CNTN5: variants seen among roughly 807,000 people sequenced by gnomAD.
The protein encoded by CNTN5 is contactin 5, also known as contactin-5.
A neutral mutation model predicts 129.1 loss-of-function variants in CNTN5; 77 were observed. The ratio of observed to expected loss-of-function variants is 0.60; its 90% CI spans 0.50 to 0.72. CNTN5 has a LOEUF of 0.72. Ranked by LOEUF, CNTN5 falls within the 30% of genes least tolerant of loss-of-function variation. The pLI, the probability that CNTN5 is intolerant of heterozygous loss-of-function variation, is 0.00. For synonymous variants in CNTN5, 509 were observed against 465.6 expected (o/e 1.09, Z -1.20); for missense variants, 1,478 against 1,328.8 (o/e 1.11, Z -1.75).
intron 6 of CNTN5, among the ~76,000 whole-genome samples, chr11:99,908,800 A>G (rs1949578478): frequency 6.6e-6 from 1 of 152,120 alleles, no homozygotes. Flanking sequence ...AGCATTTGCA[A>G]TTTACTGTTT....
intron 15 of CNTN5, among the ~76,000 whole-genome samples, chr11:100,222,288 C>T (rs1220406213): frequency 6.6e-6 from 1 of 152,098 alleles, no homozygotes; most frequent in African/African-American, 2.4e-5. Context: ...GTTTATAGAG[C>T]ACTGCACACT....
intron 13 of CNTN5, among the ~76,000 whole-genome samples, chr11:100,141,963 T>A (rs937778808): frequency 1.3e-5 from 2 of 152,022 alleles, no homozygotes; most frequent in Non-Finnish European, 2.9e-5. Flanking sequence ...TGGGTACCAT[T>A]CAATTGGCTG....
At chr11:99,627,245 C>G (rs564913242) in intron 3 of CNTN5, among the ~76,000 whole-genome samples, 1 of 152,204 alleles carries the variant, frequency 6.6e-6, no homozygotes, top group African/African-American at 2.4e-5. Flanking sequence ...ACTTTCTTAG[C>G]CCTTCCAACA....
chr11:99,626,310 A>G (rs1951130719), intron 3 of CNTN5, among the ~76,000 whole-genome samples: 1 of 151,778 alleles, frequency 6.6e-6, no homozygotes, highest in African/African-American at 2.4e-5. Context: ...CTTGGTAAAG[A>G]GGTTTTAAGA....
At chr11:99,723,419 C>CCTATATGAT (rs1565462381) in intron 3 of CNTN5, among the ~76,000 whole-genome samples, 1 of 152,088 alleles carries the variant, frequency 6.6e-6, no homozygotes, top group Non-Finnish European at 1.5e-5. Context: ...CTCCCATTCT[C>CCTATATGAT]CTATATGATC....
At chr11:99,375,496 GT>G (rs1299353363) in intron 2 of CNTN5, among the ~76,000 whole-genome samples, 1 of 151,720 alleles carries the variant, frequency 6.6e-6, no homozygotes, top group Non-Finnish European at 1.5e-5. Context: ...ATGAGATGGA[GT>G]TTATTAAAGA....
At chr11:99,780,157 T>C (rs1198752103) in intron 3 of CNTN5, among the ~76,000 whole-genome samples, 2 of 151,966 alleles carry the variant, frequency 1.3e-5, no homozygotes, top group African/African-American at 4.8e-5. Context: ...GTTACTGTTA[T>C]CAAGTCCTCC....
At chr11:100,096,540 C>A (rs1455103964) in intron 13 of CNTN5, among the ~76,000 whole-genome samples, 3 of 152,070 alleles carry the variant, frequency 2.0e-5, no homozygotes, top group Non-Finnish European at 4.4e-5. Flanking sequence ...TGCTACCATT[C>A]TCCTAGCCAT....
intron 2 of CNTN5, among the ~76,000 whole-genome samples, chr11:99,451,590 T>A (rs2656176): frequency 6.6e-6 from 1 of 151,574 alleles, no homozygotes; most frequent in African/African-American, 2.4e-5. Flanking sequence ...TATTTTTATA[T>A]GTTAGAAAGC....
intron 3 of CNTN5, among the ~76,000 whole-genome samples, chr11:99,655,081 C>T (rs1383137685): frequency 6.6e-6 from 1 of 152,002 alleles, no homozygotes; most frequent in African/African-American, 2.4e-5. Flanking sequence ...TATTCTCATG[C>T]AGATCCCATT....
chr11:99,830,756 G>C (rs1443388695), intron 4 of CNTN5, among the ~76,000 whole-genome samples: 2 of 152,046 alleles, frequency 1.3e-5, no homozygotes, highest in African/African-American at 4.8e-5. Context: ...TAATTTTAAA[G>C]CCATTTATTA....
At chr11:99,040,072 C>T (rs1053086798) in intron 1 of CNTN5, among the ~76,000 whole-genome samples, 1 of 152,038 alleles carries the variant, frequency 6.6e-6, no homozygotes, top group Admixed American at 6.6e-5. Flanking sequence ...AATATTTGCT[C>T]AGCAGCAGAT....
At chr11:100,184,344 G>C (rs1035845947) in intron 13 of CNTN5, among the ~76,000 whole-genome samples, 15 of 152,062 alleles carry the variant, frequency 9.9e-5, no homozygotes, top group Non-Finnish European at 1.9e-4. Flanking sequence ...TCAGTAATTT[G>C]AACACAGCCC....
chr11:99,390,475 A>G (rs988582537), intron 2 of CNTN5, among the ~76,000 whole-genome samples: 1 of 152,244 alleles, frequency 6.6e-6, no homozygotes, highest in Non-Finnish European at 1.5e-5. Flanking sequence ...TTACCTTATA[A>G]TAAGTTGATG....
At position 99,680,922 on chromosome 11, in the gene CNTN5, C is replaced by G. The variant is rs191548752; in HGVS notation, c.55+124653C>G. On this transcript the variant is annotated intron_variant, in intron 3 of 24. Transcript: ENST00000524871. The stretch of plus-strand genomic sequence containing the variant: ...TCACCACTCTAGATGCCATTAAGAA[C>G]ATTCAAGATTCATGGAAGGAGGTCA... Among the ~76,000 whole-genome samples, 666 of 151,894 alleles carry G rather than the reference C, an allele frequency of 4.4e-3. 8 individuals carry two copies. The highest frequency in any genetic ancestry group is 0.015 in the African/African-American group (612 of 41,404).
rs1018522460 is a variant in CNTN5, at chr11:100,157,828, T to G, written c.1581-33298T>G. Reference sequence around the variant, plus strand: ...ACAGATGCTTAAGACAGTGGTGATATTCCAGATCTATATAGATAAATAAAA... The same window carrying G: ...ACAGATGCTTAAGACAGTGGTGATAGTCCAGATCTATATAGATAAATAAAA... On this transcript the variant is annotated intron_variant, in intron 13 of 24. Coordinates refer to ENST00000524871, the MANE Select transcript of CNTN5 (RefSeq NM_014361.4). Among the ~76,000 whole-genome samples, 10 of 151,786 alleles carry G rather than the reference T, an allele frequency of 6.6e-5. No homozygotes were observed. In the Admixed American group the frequency reaches 6.6e-4, roughly 10 times the overall value.
intron 3 of CNTN5, among the ~76,000 whole-genome samples, chr11:99,667,747 A>G (rs942604643): frequency 1.3e-5 from 2 of 152,168 alleles, no homozygotes; most frequent in South Asian, 4.1e-4. Context: ...CTGAACAATG[A>G]GAACACATGG....
intron 9 of CNTN5, among the ~76,000 whole-genome samples, chr11:100,056,008 G>C (rs939721370): frequency 6.6e-6 from 1 of 151,512 alleles, no homozygotes; most frequent in African/African-American, 2.4e-5. Flanking sequence ...TGTATATGAA[G>C]CTGTAATCTA....
chr11:99,313,382 T>A (rs931404108), intron 1 of CNTN5, among the ~76,000 whole-genome samples: 5 of 152,126 alleles, frequency 3.3e-5, no homozygotes, highest in African/African-American at 1.2e-4. Context: ...TACATTTTTA[T>A]TTGAATTTTT....
Sources: gnomAD v4.1 joint callset for allele counts (sites outside exome capture counted in the v4.1 genomes callset) on GRCh38, gnomAD v4.1.1 for gene constraint, MANE v1.5 for transcripts, NCBI Gene and HGNC (gene_info 2026-07-23, HGNC 2026-07-21) for gene names.